The following DENND2C variants were observed in gnomAD, a reference collection of about 807,000 sequenced individuals.
The protein encoded by DENND2C is DENN domain containing 2C.
DENND2C carries 72 observed loss-of-function variants against 112.4 expected under a neutral mutation model. The observed-to-expected ratio is 0.64, with a 90% CI of 0.53 to 0.78. DENND2C has a LOEUF of 0.78. DENND2C is among the 30% of genes least tolerant of loss of function. DENND2C has a pLI of 0.00. For missense variants in DENND2C, 992 were observed against 1,113.8 expected (o/e 0.89, Z 1.56); for synonymous variants, 329 against 381.6 (o/e 0.86, Z 1.61).
At chr1:114,603,542 TTTATTA>T (rs573333208) in intron 11 of DENND2C, among the ~76,000 whole-genome samples, 5 of 151,212 alleles carry the variant, frequency 3.3e-5, no homozygotes, top group South Asian at 2.1e-4. Flanking sequence ...CTTCCTTCCT[TTTATTA>T]TTATTATTAT....
At chr1:114,588,758 AT>A (rs1023382196) in intron 18 of DENND2C, among the ~76,000 whole-genome samples, 42 of 152,096 alleles carry the variant, frequency 2.8e-4, no homozygotes, top group Admixed American at 2.0e-3. Context: ...TTAAATAAAG[AT>A]TTTTTTTCCC....
At chr1:114,591,343 A>G (rs938565943) in intron 18 of DENND2C, among the ~76,000 whole-genome samples, 1 of 152,166 alleles carries the variant, frequency 6.6e-6, no homozygotes, top group Non-Finnish European at 1.5e-5. Context: ...CACTTCCCTG[A>G]ATGTAAATGA....
intron 3 of DENND2C, among the ~76,000 whole-genome samples, chr1:114,633,439 C>CAAAA (rs780884019): frequency 0.054 from 2,674 of 49,144 alleles, 84 homozygotes; most frequent in African/African-American, 0.095. Flanking sequence ...GACCCTATCT[C>CAAAA]AAAAAAAAAA....
At chr1:114,661,618 TCATTTTA>T (rs1657493880) in intron 1 of DENND2C, among the ~76,000 whole-genome samples, 1 of 152,256 alleles carries the variant, frequency 6.6e-6, no homozygotes, top group Non-Finnish European at 1.5e-5. Context: ...CATGGGTCTG[TCATTTTA>T]CTCAGATTTT....
At chr1:114,612,767 C>G (rs972129186) in intron 8 of DENND2C, among the ~76,000 whole-genome samples, 2 of 152,188 alleles carry the variant, frequency 1.3e-5, no homozygotes, top group African/African-American at 2.4e-5. Context: ...ATCTGCCCAT[C>G]TTGGCCTCCC....
chr1:114,640,378 A>C (rs1243852949), intron 3 of DENND2C, among the ~76,000 whole-genome samples: 1 of 152,236 alleles, frequency 6.6e-6, no homozygotes, highest in East Asian at 1.9e-4. Context: ...TATTTTGTCT[A>C]GACTGTTCTT....
Position 114,600,918 on chromosome 1 carries a change from G to A in DENND2C, c.1858C>T (p.Leu620Phe). ...VEKRREMSPALVYPFMRSVME... is the reference protein window; with the variant it reads ...VEKRREMSPAFVYPFMRSVME... ...ACACTTCGCATGAATGGGTAAACAA[G>A]GGCTGGAGACATTTCTCTTCTCTTC... is the stretch of plus-strand genomic sequence containing the variant. The change falls in exon 14 of 21, where the codon CTT becomes TTT. Residue 620 changes from leucine (L) to phenylalanine (F), a missense_variant. Physicochemically the swap from Leu to Phe is conservative, Grantham distance 22. Coordinates refer to ENST00000393274, the MANE Select transcript of DENND2C (RefSeq NM_001256404.2). 1 of 1,613,864 alleles carries A rather than the reference G, an allele frequency of 6.2e-7. No individual in the cohort carries two copies. Among genetic ancestry groups the A allele is most frequent in the Non-Finnish European group, 8.5e-7 (1 of 1,179,832 alleles).
In DENND2C at chr1:114,584,252, T is replaced by A. The variant is rs1417136031; in HGVS notation, c.*1348A>T. On this transcript the variant is annotated 3_prime_UTR_variant, in exon 21 of 21. Coordinates refer to ENST00000393274, the MANE Select transcript of DENND2C (RefSeq NM_001256404.2). Reference sequence around the variant, plus strand: ...GCAACGTATTTAACTTCTTTGAATTTGTTTTTTTCTTTTTTCTTTTCCTTT... The same window carrying A: ...GCAACGTATTTAACTTCTTTGAATTAGTTTTTTTCTTTTTTCTTTTCCTTT... The A allele has an allele frequency of 6.6e-6, 1 of 152,190 alleles. No homozygotes were observed. The highest frequency in any genetic ancestry group is 1.5e-5 in the Non-Finnish European group (1 of 68,058). The allele number at this position is 152,190 out of a possible 1,614,324, so 9.4% of individuals were successfully genotyped here. A position where few individuals can be genotyped will look rare whatever the true frequency, so the allele number is the denominator to read the frequency against.
In DENND2C at chr1:114,622,991, G is replaced by T; in HGVS notation, c.1052C>A (p.Pro351His). Residue 351 changes from proline to histidine, a missense_variant, in exon 6 of 21, where the codon CCC (proline) becomes CAC (histidine). Physicochemically the swap from Pro to His is moderately conservative, Grantham distance 77 (BLOSUM62 -2). Around this residue, in one of 3 missense-constraint regions of DENND2C, gnomAD observed 470 missense variants for 472.7 expected, o/e 0.99. Transcript: ENST00000393274. ...LPPAKSAFKA[P>H]KLPPKPQFLH... is the part of the protein sequence containing the mutation. ...CAATTCATTATCTGGTTATACCTTG[G>T]GTGCTTTAAAAGCACTTTTAGCGGG... 6.2e-7 allele frequency: 1 copy of T among 1,608,768 alleles called. No individual in the cohort carries two copies.
chr1:114,596,421 G>C (rs1655343031), intron 16 of DENND2C, among the ~76,000 whole-genome samples: 1 of 152,156 alleles, frequency 6.6e-6, no homozygotes, highest in African/African-American at 2.4e-5. Context: ...TTTGGAACCT[G>C]ATTTAAACAA....
chr1:114,601,096 T>C (rs764015319), intron 13 of DENND2C, 136 bp from the exon 14 acceptor site: 27 of 942,376 alleles, frequency 2.9e-5, no homozygotes, highest in Non-Finnish European at 3.8e-5. Context: ...GCTTCTGCAA[T>C]CAATAAAAGT....
chr1:114,591,064 G>T (rs1247068045), intron 18 of DENND2C, among the ~76,000 whole-genome samples: 1 of 151,746 alleles, frequency 6.6e-6, no homozygotes, highest in Non-Finnish European at 1.5e-5. Flanking sequence ...ATTCCTGGGC[G>T]CAAGTGATCC....
chr1:114,623,231 C>A, intron 5 of DENND2C, 132 bp from the exon 6 acceptor site: 5 of 807,718 alleles, frequency 6.2e-6, no homozygotes, highest in Non-Finnish European at 9.3e-6. Context: ...ATGTGGGTTT[C>A]CAGATCAACA....
chr1:114,627,971 T>A (rs985677194), intron 3 of DENND2C, among the ~76,000 whole-genome samples: 7 of 151,688 alleles, frequency 4.6e-5, no homozygotes, highest in Non-Finnish European at 8.8e-5. Context: ...GAAAAAAAAA[T>A]GAAAATTGTC....
At chr1:114,635,374 A>T (rs570822060) in intron 3 of DENND2C, among the ~76,000 whole-genome samples, 8 of 144,484 alleles carry the variant, frequency 5.5e-5, no homozygotes, top group Non-Finnish European at 3.2e-5. Flanking sequence ...ATAAAAATCA[A>T]TGAAACAAAA....
chr1:114,661,175 A>T (rs149530461), intron 1 of DENND2C, among the ~76,000 whole-genome samples: 317 of 152,158 alleles, frequency 2.1e-3, no homozygotes, highest in Admixed American at 4.4e-3. Context: ...GCACAGTACA[A>T]CTTACAATAT....
At chr1:114,640,681 C>T (rs1656812636) in intron 3 of DENND2C, among the ~76,000 whole-genome samples, 1 of 152,200 alleles carries the variant, frequency 6.6e-6, no homozygotes, top group Non-Finnish European at 1.5e-5. Context: ...AAATAGTCTA[C>T]AGCTAGATCA....
At chr1:114,590,827 G>A (rs2101640287) in intron 18 of DENND2C, among the ~76,000 whole-genome samples, 1 of 151,632 alleles carries the variant, frequency 6.6e-6, no homozygotes, top group Non-Finnish European at 1.5e-5. Context: ...GTGATCATGT[G>A]CAAGAGATTC....
chr1:114,601,173 A>C lies in DENND2C; in HGVS notation c.1816-213T>G, dbSNP rs918170572. Among the ~76,000 whole-genome samples, 9 of 152,166 alleles carry C rather than the reference A, an allele frequency of 5.9e-5. No individual in the cohort carries two copies. In the South Asian group the frequency reaches 1.9e-3, roughly 32 times the overall value. ...GAAGAAAAGTTACTAACATAAATCAACTTATTTTTAAAGGAGAAGCCCCTT... is the reference window on the plus strand; with the variant it reads ...GAAGAAAAGTTACTAACATAAATCACCTTATTTTTAAAGGAGAAGCCCCTT... On this transcript the variant is annotated intron_variant, in intron 13 of 20. Transcript: ENST00000393274.
Sources: allele counts gnomAD v4.1 joint callset (sites outside exome capture counted in the v4.1 genomes callset), GRCh38; gene constraint gnomAD v4.1.1; regional missense constraint gnomAD v4.1.1; transcripts MANE v1.5; gene names NCBI Gene and HGNC (gene_info 2026-07-23, HGNC 2026-07-21).